The following CENPE variants were observed in gnomAD, a reference collection of about 807,000 sequenced individuals.
The protein encoded by CENPE is centromere protein E, also known as centromere-associated protein E.
CENPE carries 145 observed loss-of-function variants against 336.1 expected under a neutral mutation model. The observed-to-expected ratio is 0.43, with a 90% CI of 0.38 to 0.50. The LOEUF (loss-of-function observed/expected upper bound fraction) is 0.50, where lower values mean the gene tolerates loss of function less well. Ranked by LOEUF, CENPE falls within the 20% of genes least tolerant of loss-of-function variation. The pLI is 0.00. For synonymous variants in CENPE, 1,013 were observed against 984.8 expected (o/e 1.03, Z -0.54); for missense variants, 2,719 against 3,023.3 (o/e 0.90, Z 2.36).
At chr4:103,132,955 T>TA in intron 41 of CENPE, 59 bp from the exon 42 acceptor site, 1 of 258,166 alleles carries the variant, frequency 3.9e-6, no homozygotes, top group African/African-American at 2.9e-5. Flanking sequence ...ATCCAAATAT[T>TA]TTATTTATAT....
intron 16 of CENPE, 41 bp downstream of exon 16, chr4:103,174,695 A>C (rs1755706048): frequency 7.5e-7 from 1 of 1,337,154 alleles, no homozygotes; most frequent in Admixed American, 3.1e-5. Context: ...TTCTTTTAAA[A>C]GTATGCTTTT....
chr4:103,156,278 C>T (rs905477353), intron 24 of CENPE, among the ~76,000 whole-genome samples: 10 of 152,180 alleles, frequency 6.6e-5, no homozygotes, highest in South Asian at 2.1e-4. Context: ...AATAGGGAAA[C>T]GAATCTTGAA....
chr4:103,173,630 T>TTTGCAATATTTGCAGAAATATTTGCAA (rs1212496499), intron 16 of CENPE, among the ~76,000 whole-genome samples: 200 of 151,388 alleles, frequency 1.3e-3, no homozygotes, highest in Middle Eastern at 6.8e-3. Context: ...TTGCAAAATA[T>TTTGCAATATTTGCAGAAATATTTGCAA]ACATCTGACA....
At chr4:103,124,146 A>C (rs1224171400) in intron 42 of CENPE, among the ~76,000 whole-genome samples, 1 of 152,200 alleles carries the variant, frequency 6.6e-6, no homozygotes, top group Non-Finnish European at 1.5e-5. Context: ...GTTTGGTACC[A>C]TCCATGGCAT....
rs114399328 is a variant in CENPE at position 103,144,441 on chromosome 4, C to T, written c.5035G>A (p.Glu1679Lys). 67 of 1,614,056 alleles carry T rather than the reference C, an allele frequency of 4.2e-5. No individual in the cohort carries two copies. The African/African-American group carries it at 7.6e-4, about 18-fold the overall frequency. Residue 1679 changes from glutamate (E) to lysine (K), a missense_variant, in exon 33 of 49, where the codon GAA becomes AAA. Glu to Lys is a moderately conservative substitution (Grantham distance 56). Around this residue, in one of 5 missense-constraint regions of CENPE, gnomAD observed 2,437 missense variants for 2,513.3 expected, o/e 0.97. Transcript: ENST00000265148. Reference sequence around the variant, plus strand: ...TCTTTTGTTACAGATCTCATTTCTTCAAGGTTTTCATGTAGTATCTGAGTC... The same window carrying T: ...TCTTTTGTTACAGATCTCATTTCTTTAAGGTTTTCATGTAGTATCTGAGTC... ...RLTQILHENL[E>K]EMRSVTKERD...
At chr4:103,188,387 T>G (rs1756995533) in intron 8 of CENPE, among the ~76,000 whole-genome samples, 1 of 152,190 alleles carries the variant, frequency 6.6e-6, no homozygotes, top group Non-Finnish European at 1.5e-5. Context: ...ACCACATAGT[T>G]GGAAGTAAAG....
At chr4:103,160,598 G>A (rs777373380) in intron 21 of CENPE, 27 bp downstream of exon 21, 3 of 1,559,378 alleles carry the variant, frequency 1.9e-6, no homozygotes, top group African/African-American at 2.8e-5. Context: ...TTCAAAATAA[G>A]GGATAAGTGC....
At position 103,164,686 on chromosome 4, in the gene CENPE, T is replaced by TA. The variant is rs201178665; in HGVS notation, c.1648-1134dup. ...AACATGTTTCTTTAGGTAATCAATA[T>TA]AAAAAAAATGAACAATTTTACATTC... On this transcript the variant is annotated intron_variant, in intron 16 of 48. Coordinates refer to ENST00000265148, the MANE Select transcript of CENPE (RefSeq NM_001813.3). Among the ~76,000 whole-genome samples the TA allele has an allele frequency of 4.6e-5, 7 of 152,070 alleles. No homozygotes were observed. In the South Asian group the frequency reaches 6.2e-4, roughly 14 times the overall value.
intron 42 of CENPE, among the ~76,000 whole-genome samples, chr4:103,127,097 T>TAAAAAAAAAAA (rs768685995): frequency 2.7e-5 from 2 of 75,278 alleles, no homozygotes; most frequent in African/African-American, 4.9e-5. Context: ...GGGACAAATA[T>TAAAAAAAAAAA]AAAAAAAAAA....
At chr4:103,127,564 T>C (rs1200264181) in intron 42 of CENPE, among the ~76,000 whole-genome samples, 1 of 152,208 alleles carries the variant, frequency 6.6e-6, no homozygotes, top group East Asian at 1.9e-4. Context: ...TATTTTCTTA[T>C]TCTTAACTGA....
At chr4:103,128,333 G>A (rs560588773) in intron 42 of CENPE, among the ~76,000 whole-genome samples, 1 of 152,078 alleles carries the variant, frequency 6.6e-6, no homozygotes, top group Non-Finnish European at 1.5e-5. Flanking sequence ...AGACTTCAAC[G>A]CCTCTCTATC....
intron 8 of CENPE, among the ~76,000 whole-genome samples, chr4:103,191,711 G>A (rs1437800619): frequency 6.6e-6 from 1 of 151,776 alleles, no homozygotes. Flanking sequence ...GAGTTAATGG[G>A]TGCAGTATAC....
intron 1 of CENPE, 82 bp from the exon 2 acceptor site, chr4:103,196,932 A>T: frequency 1.4e-6 from 1 of 717,046 alleles, no homozygotes; most frequent in South Asian, 1.6e-5. Context: ...TTCACCTGCT[A>T]AAGAATATTT....
chr4:103,105,933 T>C lies in CENPE; in HGVS notation c.*289A>G, dbSNP rs539582689. ...TTTGGAATATGCTAAGTCATGTAGA[T>C]AACTTTACATTTCTTTCAATAACTT... On this transcript the variant is annotated 3_prime_UTR_variant, in exon 49 of 49. Transcript: ENST00000265148. The C allele has an allele frequency of 4.7e-6, 1 of 214,792 alleles. No homozygotes were observed. The highest frequency in any genetic ancestry group is 9.3e-5 in the East Asian group (1 of 10,762). The allele number at this position is 214,792 out of a possible 1,614,324, so 13.3% of individuals were successfully genotyped here.
At chr4:103,138,866 C>A (rs1009392675) in intron 38 of CENPE, among the ~76,000 whole-genome samples, 3 of 152,058 alleles carry the variant, frequency 2.0e-5, no homozygotes, top group African/African-American at 7.2e-5. Flanking sequence ...AATAAATAAA[C>A]AACCAGGAAA....
At chr4:103,176,857 C>T (rs202184978) in intron 14 of CENPE, 42 bp downstream of exon 14, 5 of 1,440,562 alleles carry the variant, frequency 3.5e-6, no homozygotes, top group East Asian at 4.7e-5. Context: ...TATAAGGATG[C>T]TTTTATAATT....
chr4:103,150,974 A>T (rs956104007), intron 26 of CENPE, among the ~76,000 whole-genome samples: 4 of 152,226 alleles, frequency 2.6e-5, no homozygotes, highest in Non-Finnish European at 5.9e-5. Context: ...GAATGAATAC[A>T]TCATATGATT....
chr4:103,174,059 C>G (rs563400891), intron 16 of CENPE, among the ~76,000 whole-genome samples: 1 of 151,772 alleles, frequency 6.6e-6, no homozygotes, highest in Non-Finnish European at 1.5e-5. Context: ...CCCATATTTA[C>G]TGCAGCACTT....
chr4:103,188,231 A>T (rs1756976991), intron 8 of CENPE, among the ~76,000 whole-genome samples: 1 of 152,222 alleles, frequency 6.6e-6, no homozygotes, highest in African/African-American at 2.4e-5. Flanking sequence ...CGTTAGACAG[A>T]TCAACGAGAC....
Sources: allele counts gnomAD v4.1 joint callset (sites outside exome capture counted in the v4.1 genomes callset), GRCh38; gene constraint gnomAD v4.1.1; regional missense constraint gnomAD v4.1.1; transcripts MANE v1.5; gene names NCBI Gene and HGNC (gene_info 2026-07-23, HGNC 2026-07-21).